The following CNGB1 variants were observed in gnomAD, a reference collection of about 807,000 sequenced individuals.
CNGB1 encodes the protein cyclic nucleotide-gated channel beta-1.
CNGB1 carries 126 observed loss-of-function variants against 151.7 expected under a neutral mutation model. The observed-to-expected ratio is 0.83, with a 90% CI of 0.72 to 0.96. CNGB1 has a LOEUF of 0.96. CNGB1 is among the 40% of genes least tolerant of loss of function. The pLI is 0.00. For synonymous variants in CNGB1, 623 were observed against 635.1 expected (o/e 0.98, Z 0.29); for missense variants, 1,698 against 1,627.0 (o/e 1.04, Z -0.75).
At chr16:57,940,355 G>T (rs375414563) in intron 14 of CNGB1, 34 bp from the exon 15 acceptor site, 2 of 1,550,998 alleles carry the variant, frequency 1.3e-6, no homozygotes, top group South Asian at 1.2e-5. Flanking sequence ...AGGATAAAAG[G>T]ACTGGGTTAG....
Position 57,897,257 on chromosome 16 carries a change from A to AC in CNGB1, c.3242+139dup, listed in dbSNP as rs1302231728. 3 of 861,548 alleles carry AC rather than the reference A, an allele frequency of 3.5e-6. No homozygotes were observed. In the African/African-American group the frequency reaches 5.3e-5, roughly 15 times the overall value. The allele number at this position is 861,548 out of a possible 1,614,324, so 53.4% of individuals were successfully genotyped here. On this transcript the variant is annotated intron_variant, in intron 31 of 32. Coordinates refer to ENST00000251102, the MANE Select transcript of CNGB1 (RefSeq NM_001297.5). The stretch of plus-strand genomic sequence containing the variant: ...GTTGAGACTGTAGTGAGTCATGATC[A>AC]CTCCACTGCACTCCAGACTGGGTGA...
chr16:57,962,486 A>T, intron 7 of CNGB1, 79 bp downstream of exon 7: 1 of 1,302,602 alleles, frequency 7.7e-7, no homozygotes. Flanking sequence ...GTGGTAACAG[A>T]CCCTGCTCCT....
chr16:57,968,589 T>C (rs1210165984), intron 1 of CNGB1, among the ~76,000 whole-genome samples: 1 of 125,470 alleles, frequency 8.0e-6, no homozygotes, highest in Non-Finnish European at 1.9e-5. Flanking sequence ...GACTATTACA[T>C]GGTATCAAAT....
At chr16:57,911,631 G>T in intron 25 of CNGB1, 122 bp downstream of exon 25, 1 of 1,374,764 alleles carries the variant, frequency 7.3e-7, no homozygotes, top group Non-Finnish European at 1.0e-6. Flanking sequence ...TGATTGCTTA[G>T]GAGCAAAGTG....
intron 14 of CNGB1, among the ~76,000 whole-genome samples, chr16:57,948,179 A>G (rs139362932): frequency 6.6e-6 from 1 of 152,222 alleles, no homozygotes; most frequent in East Asian, 1.9e-4. Context: ...CCCTGACTCA[A>G]TCTTTCTCCA....
intron 2 of CNGB1, among the ~76,000 whole-genome samples, chr16:57,966,357 G>A (rs1364733963): frequency 6.6e-6 from 1 of 152,142 alleles, no homozygotes; most frequent in East Asian, 1.9e-4. Flanking sequence ...CACAGGGCCT[G>A]GCATCAATTA....
chr16:57,901,614 G>T lies in CNGB1; in HGVS notation c.2806C>A (p.Leu936Met). 5 of 1,613,870 alleles carry T rather than the reference G, an allele frequency of 3.1e-6. No homozygotes were observed. Among genetic ancestry groups the T allele is most frequent in the South Asian group, 1.1e-5 (1 of 91,042 alleles). ...ATCTTGTCTGGAAGCTGCACCATCA[G>T]CTCTGACTCATCTGTGAACAAGGCC... ...HSQGMLDESE[L>M]MVQLPDKMRL... The change falls in exon 28 of 33, where the codon CTG becomes ATG. Residue 936 changes from leucine (L) to methionine (M), a missense_variant. Transcript: ENST00000251102.
In CNGB1 at chr16:57,958,493, T is replaced by G. The variant is rs763351012; in HGVS notation, c.762-8A>C. On this transcript the variant is annotated splice_region_variant and splice_polypyrimidine_tract_variant and intron_variant, in intron 10 of 32. Transcript: ENST00000251102. ...AGGACCCATGCCACCAGCCTGCAGG[T>G]GGGAGAGAGTGTGCGGTGTCCAGGT... The G allele has an allele frequency of 1.9e-6, 3 of 1,613,336 alleles. No homozygotes were observed. The Admixed American group carries it at 5.0e-5, about 27-fold the overall frequency.
chr16:57,966,116 C>G (rs1024092614), intron 2 of CNGB1, among the ~76,000 whole-genome samples: 3 of 152,180 alleles, frequency 2.0e-5, no homozygotes, highest in Non-Finnish European at 2.9e-5. Context: ...AAGCTCTCCC[C>G]CATCAGCCTC....
rs35264442 is a variant in CNGB1, at chr16:57,934,956, C to CAAA, written c.1373-3081_1373-3079dup. 6.4e-5 allele frequency among the ~76,000 whole-genome samples: 5 copies of CAAA among 77,898 alleles called. 1 individual carries two copies. The highest frequency in any genetic ancestry group is 1.7e-4 in the African/African-American group (5 of 29,968). 51.1% of individuals were successfully genotyped at this position (77,898 alleles called of 152,430 possible). A position where few individuals can be genotyped will look rare whatever the true frequency, so the allele number is the denominator to read the frequency against. Reference sequence around the variant, plus strand: ...TGGGTGGCAAAGCCAGATTCTGTCTCAAAAAAAAAAAAAAAAGCAGCAGTG... The same window carrying CAAA: ...TGGGTGGCAAAGCCAGATTCTGTCTCAAAAAAAAAAAAAAAAAAAGCAGCAGTG... On this transcript the variant is annotated intron_variant, in intron 16 of 32. Transcript: ENST00000251102.
intron 4 of CNGB1, among the ~76,000 whole-genome samples, chr16:57,963,372 C>T (rs1279688140): frequency 1.3e-5 from 2 of 152,172 alleles, no homozygotes; most frequent in Middle Eastern, 3.2e-3. Context: ...CCAGGCAGAC[C>T]GGGTGCCATT....
chr16:57,962,859 C>T lies in CNGB1; in HGVS notation c.395G>A (p.Gly132Asp). 6.2e-7 allele frequency: 1 copy of T among 1,612,760 alleles called. No homozygotes were observed. Residue 132 changes from glycine to aspartate, a missense_variant, in exon 6 of 33, where the codon GGC becomes GAC. Gly to Asp is a moderately conservative substitution (Grantham distance 94). Coordinates refer to ENST00000251102, the MANE Select transcript of CNGB1 (RefSeq NM_001297.5). Reference protein sequence around the residue: ...TEDPAQILGHGSTGDTGCTDE... With the variant: ...TEDPAQILGHDSTGDTGCTDE... ...GTTCTTACCTGTGTCCCCAGTGCTG[C>T]CATGCCCCAGGATCTGCCAGGGACA...
intron 12 of CNGB1, among the ~76,000 whole-genome samples, chr16:57,952,156 C>G (rs1482162543): frequency 6.6e-6 from 1 of 152,224 alleles, no homozygotes; most frequent in Admixed American, 6.5e-5. Context: ...GAACATCTTG[C>G]CTGACAGCAC....
At chr16:57,938,083 T>C (rs1351783514) in intron 16 of CNGB1, among the ~76,000 whole-genome samples, 2 of 152,236 alleles carry the variant, frequency 1.3e-5, no homozygotes. Context: ...GCTCCTGGGT[T>C]ACGCCAAAGC....
intron 29 of CNGB1, among the ~76,000 whole-genome samples, chr16:57,900,781 A>G (rs1960362666): frequency 6.6e-6 from 1 of 152,152 alleles, no homozygotes; most frequent in Admixed American, 6.5e-5. Flanking sequence ...TTCTGTTTTC[A>G]GCCAGAAATC....
chr16:57,938,081 G>A (rs754420939), intron 16 of CNGB1, among the ~76,000 whole-genome samples: 7 of 152,310 alleles, frequency 4.6e-5, no homozygotes, highest in Non-Finnish European at 8.8e-5. Context: ...CAGCTCCTGG[G>A]TTACGCCAAA....
chr16:57,958,771 A>G (rs1385399124), intron 10 of CNGB1, among the ~76,000 whole-genome samples: 2 of 136,664 alleles, frequency 1.5e-5, no homozygotes, highest in Non-Finnish European at 3.1e-5. Context: ...GGAATGTGGC[A>G]ATACCTGTCC....
Position 57,911,186 on chromosome 16 carries a change from C to A in CNGB1, c.2492+567G>T, listed in dbSNP as rs184983201. Among the ~76,000 whole-genome samples the A allele has an allele frequency of 4.6e-5, 7 of 152,330 alleles. No homozygotes were observed. The East Asian group carries it at 1.2e-3, about 25-fold the overall frequency. On this transcript the variant is annotated intron_variant, in intron 25 of 32. Transcript: ENST00000251102. ...TGCACACCCTAATAGAGTTTGGATG[C>A]AGAAAGGATCCAAGCAAGTCTTGTT... is the stretch of plus-strand genomic sequence containing the variant.
At chr16:57,901,935 C>A (rs1960404050) in intron 27 of CNGB1, among the ~76,000 whole-genome samples, 1 of 152,206 alleles carries the variant, frequency 6.6e-6, no homozygotes, top group Admixed American at 6.5e-5. Context: ...TGTTAGTAGC[C>A]CCTGCGCTGT....
Sources: allele counts gnomAD v4.1 joint callset (sites outside exome capture counted in the v4.1 genomes callset), GRCh38; gene constraint gnomAD v4.1.1; transcripts MANE v1.5; gene names NCBI Gene and HGNC (gene_info 2026-07-23, HGNC 2026-07-21).